EDIL3: variants seen among roughly 807,000 people sequenced by gnomAD.
EDIL3 encodes EGF like and discoidin domains 3.
A neutral mutation model predicts 67.4 loss-of-function variants in EDIL3; 37 were observed. That is an observed-to-expected ratio of 0.55 (90% CI 0.42 to 0.72). The LOEUF (loss-of-function observed/expected upper bound fraction) is 0.72, where lower values mean the gene tolerates loss of function less well. Among genes scored for constraint, EDIL3 ranks in the 30% least tolerant of loss-of-function variants. EDIL3 has a pLI of 0.00. For missense variants in EDIL3, 527 were observed against 586.3 expected (o/e 0.90, Z 1.04); for synonymous variants, 195 against 196.3 (o/e 0.99, Z 0.05).
At chr5:84,164,316 G>C (rs1317576846) in intron 4 of EDIL3, among the ~76,000 whole-genome samples, 1 of 152,046 alleles carries the variant, frequency 6.6e-6, no homozygotes, top group Non-Finnish European at 1.5e-5. Context: ...CTCATTACTT[G>C]ATGACATGGG....
intron 1 of EDIL3, among the ~76,000 whole-genome samples, chr5:84,259,402 G>A (rs1290587817): frequency 6.6e-6 from 1 of 152,186 alleles, no homozygotes; most frequent in Admixed American, 6.5e-5. Context: ...TGTAATGTGT[G>A]TAGCATTATA....
chr5:84,184,523 G>A (rs1285874901), intron 3 of EDIL3, among the ~76,000 whole-genome samples: 4 of 152,204 alleles, frequency 2.6e-5, no homozygotes, highest in Admixed American at 2.6e-4. Context: ...TTCTGCTGGA[G>A]CATCTAGCTC....
chr5:84,312,791 A>T (rs1480675797), intron 1 of EDIL3, among the ~76,000 whole-genome samples: 2 of 152,234 alleles, frequency 1.3e-5, no homozygotes, highest in Non-Finnish European at 2.9e-5. Flanking sequence ...TGTCAGCTGT[A>T]CATAAAATAA....
chr5:83,975,306 TCA>T (rs1744860163), intron 9 of EDIL3, among the ~76,000 whole-genome samples: 2 of 152,038 alleles, frequency 1.3e-5, no homozygotes, highest in South Asian at 4.1e-4. Flanking sequence ...ATTTTAAAAA[TCA>T]CAGTCTTAAG....
chr5:84,384,457 A>C lies in EDIL3; in HGVS notation c.-83T>G. On this transcript the variant is annotated 5_prime_UTR_variant, in exon 1 of 11. Transcript: ENST00000296591. ...AGCCGAGGTGGCAGCGCAGGGCAGC[A>C]GCAGACTCCGCCCCTACTAAAGAAT... 7.4e-7 allele frequency: 1 copy of C among 1,344,766 alleles called. No individual in the cohort carries two copies. The highest frequency in any genetic ancestry group is 1.2e-5 in the South Asian group (1 of 83,316). The allele number at this position is 1,344,766 out of a possible 1,614,324, so 83.3% of individuals were successfully genotyped here. A position where few individuals can be genotyped will look rare whatever the true frequency, so the allele number is the denominator to read the frequency against.
chr5:84,291,422 T>C (rs955558487), intron 1 of EDIL3, among the ~76,000 whole-genome samples: 1 of 152,000 alleles, frequency 6.6e-6, no homozygotes, highest in African/African-American at 2.4e-5. Context: ...AAAATATAGG[T>C]ATATATCCTT....
intron 4 of EDIL3, among the ~76,000 whole-genome samples, chr5:84,178,598 G>A (rs1416931210): frequency 6.6e-6 from 1 of 152,046 alleles, no homozygotes; most frequent in Non-Finnish European, 1.5e-5. Flanking sequence ...ATGAACCAAA[G>A]ACCATCTATT....
At chr5:84,101,280 A>C (rs1276114555) in intron 6 of EDIL3, among the ~76,000 whole-genome samples, 1 of 152,124 alleles carries the variant, frequency 6.6e-6, no homozygotes, top group Admixed American at 6.6e-5. Flanking sequence ...AACTTGGATA[A>C]GATAATTAAC....
intron 9 of EDIL3, among the ~76,000 whole-genome samples, chr5:84,021,378 AT>A (rs1167375360): frequency 6.6e-6 from 1 of 151,882 alleles, no homozygotes; most frequent in Non-Finnish European, 1.5e-5. Flanking sequence ...CCTTCTTAGT[AT>A]TGCTTTTGCC....
At chr5:84,251,139 GTC>G (rs1305134263) in intron 2 of EDIL3, among the ~76,000 whole-genome samples, 1 of 152,062 alleles carries the variant, frequency 6.6e-6, no homozygotes, top group Non-Finnish European at 1.5e-5. Context: ...TTGAGATGGA[GTC>G]TCTCTCTGTC....
intron 3 of EDIL3, among the ~76,000 whole-genome samples, chr5:84,207,186 A>G (rs1279469436): frequency 4.6e-5 from 7 of 152,238 alleles, no homozygotes; most frequent in African/African-American, 1.7e-4. Flanking sequence ...CTGAGAAGCA[A>G]CTTCAGCAAA....
At chr5:83,943,738 A>G (rs1473023032) in intron 10 of EDIL3, among the ~76,000 whole-genome samples, 170 bp from the exon 11 acceptor site, 2 of 152,078 alleles carry the variant, frequency 1.3e-5, no homozygotes, top group Non-Finnish European at 2.9e-5. Flanking sequence ...TTTAAATTAA[A>G]TGGTCAATTA....
chr5:84,006,287 C>T (rs1745413858), intron 9 of EDIL3, among the ~76,000 whole-genome samples: 1 of 151,920 alleles, frequency 6.6e-6, no homozygotes, highest in Non-Finnish European at 1.5e-5. Flanking sequence ...AGATTCAATG[C>T]TATTCCTATG....
chr5:84,148,726 G>T (rs1272609651), intron 4 of EDIL3, among the ~76,000 whole-genome samples: 1 of 151,998 alleles, frequency 6.6e-6, no homozygotes, highest in East Asian at 1.9e-4. Context: ...TACACTCAAG[G>T]CCACCATGGA....
chr5:84,064,932 A>G, intron 7 of EDIL3, 88 bp from the exon 8 acceptor site: 1 of 1,413,110 alleles, frequency 7.1e-7, no homozygotes, highest in Non-Finnish European at 9.3e-7. Context: ...TATCGAAAAT[A>G]ATTGTTCGAA....
At chr5:84,038,413 T>G (rs532869346) in intron 9 of EDIL3, among the ~76,000 whole-genome samples, 1 of 152,294 alleles carries the variant, frequency 6.6e-6, no homozygotes, top group African/African-American at 2.4e-5. Flanking sequence ...ATGTCCTACC[T>G]CTGCCTCTAC....
chr5:84,087,980 C>T (rs909769425), intron 6 of EDIL3, among the ~76,000 whole-genome samples: 4 of 152,218 alleles, frequency 2.6e-5, no homozygotes, highest in Admixed American at 2.0e-4. Context: ...TCAAGAAGTC[C>T]CATGTGGCTG....
intron 1 of EDIL3, among the ~76,000 whole-genome samples, chr5:84,323,622 T>G (rs895766901): frequency 6.6e-6 from 1 of 151,862 alleles, no homozygotes; most frequent in African/African-American, 2.4e-5. Flanking sequence ...AAGCAGGGAT[T>G]TGAAGAATGG....
intron 9 of EDIL3, among the ~76,000 whole-genome samples, chr5:83,992,601 T>C (rs773057892): frequency 2.0e-5 from 3 of 152,190 alleles, no homozygotes; most frequent in South Asian, 2.1e-4. Context: ...TATCATATTA[T>C]TAAAATTGTG....
Sources: gnomAD v4.1 joint callset for allele counts (sites outside exome capture counted in the v4.1 genomes callset) on GRCh38, gnomAD v4.1.1 for gene constraint, MANE v1.5 for transcripts, NCBI Gene and HGNC (gene_info 2026-07-23, HGNC 2026-07-21) for gene names.